The following WSCD2 variants were observed in gnomAD, a reference collection of about 807,000 sequenced individuals.
WSCD2 encodes the protein sialate:O-sulfotransferase 2.
WSCD2 carries 28 observed loss-of-function variants against 55.7 expected under a neutral mutation model. The observed-to-expected ratio is 0.50, with a 90% CI of 0.37 to 0.69. WSCD2 has a LOEUF of 0.69. Ranked by LOEUF, WSCD2 falls within the 30% of genes least tolerant of loss-of-function variation. WSCD2 has a pLI of 0.00. For missense variants in WSCD2, 616 were observed against 762.1 expected, an observed-to-expected ratio of 0.81 and a Z score of 2.26; for synonymous variants, 301 against 301.9, an observed-to-expected ratio of 1.00 and a Z score of 0.03.
chr12:108,248,988 C>G lies in WSCD2; in HGVS notation c.*645C>G, dbSNP rs190081175. 5 of 880,244 alleles carry G rather than the reference C, an allele frequency of 5.7e-6. No individual in the cohort carries two copies. Among genetic ancestry groups the G allele is most frequent in the Non-Finnish European group, 6.8e-6 (5 of 733,694 alleles). 54.5% of individuals were successfully genotyped at this position (880,244 alleles called of 1,614,324 possible). Reference sequence around the variant, plus strand: ...GGGGCCATTGGTGTTATGAGCCCCCCAGGCCACACTGCTTCTCAGAAATGA... The same window carrying G: ...GGGGCCATTGGTGTTATGAGCCCCCGAGGCCACACTGCTTCTCAGAAATGA... On this transcript the variant is annotated 3_prime_UTR_variant, in exon 9 of 9. Transcript: ENST00000547525. This position sits in a 1 kb window ranked among gnomAD's most constrained non-coding sequence, Gnocchi z 4.3.
rs1423299222 is a variant in WSCD2 at position 108,196,155 on chromosome 12, G to C, written c.323G>C (p.Gly108Ala). ...GNERAKLGDYGGAWSRALKGR... is the reference protein window; with the variant it reads ...GNERAKLGDYAGAWSRALKGR... The stretch of plus-strand genomic sequence containing the variant: ...GAGAGAGCCAAGCTTGGCGACTACG[G>C]TGGAGCCTGGAGCCGAGCCCTCAAG... Residue 108 changes from glycine to alanine, a missense_variant, in exon 2 of 9, where the codon GGT becomes GCT. By Grantham distance (60) the Gly-to-Ala change is moderately conservative (BLOSUM62 0). Transcript: ENST00000547525. 7.4e-6 allele frequency: 12 copies of C among 1,614,182 alleles called. No individual in the cohort carries two copies. Among genetic ancestry groups the C allele is most frequent in the Non-Finnish European group, 1.0e-5 (12 of 1,180,038 alleles).
Position 108,249,809 on chromosome 12 carries a change from C to T in WSCD2, c.*1466C>T, listed in dbSNP as rs920737164. 1 of 152,648 alleles carries T rather than the reference C, an allele frequency of 6.6e-6. No homozygotes were observed. Among genetic ancestry groups the T allele is most frequent in the African/African-American group, 2.4e-5 (1 of 41,450 alleles). The allele number at this position is 152,648 out of a possible 1,614,324, so 9.5% of individuals were successfully genotyped here. A position where few individuals can be genotyped will look rare whatever the true frequency, so the allele number is the denominator to read the frequency against. On this transcript the variant is annotated 3_prime_UTR_variant, in exon 9 of 9. Coordinates refer to ENST00000547525, the MANE Select transcript of WSCD2 (RefSeq NM_014653.4). ...AACCTGGCCATGCAAAGCAAGGGCA[C>T]AGGGATTAGACCTGTGGCACACTTC...
intron 7 of WSCD2, among the ~76,000 whole-genome samples, chr12:108,239,883 T>G (rs1889585647): frequency 1.3e-5 from 2 of 152,090 alleles, no homozygotes; most frequent in Non-Finnish European, 2.9e-5. Flanking sequence ...CTGGCTAATT[T>G]TTTTTTAATT....
intron 2 of WSCD2, among the ~76,000 whole-genome samples, chr12:108,204,846 C>T (rs959873875): frequency 1.3e-4 from 20 of 152,220 alleles, no homozygotes; most frequent in Admixed American, 7.2e-4. Flanking sequence ...TCTGCTAGAT[C>T]CTGCTCTCCC....
intron 1 of WSCD2, among the ~76,000 whole-genome samples, chr12:108,159,903 G>A (rs76384406): frequency 0.02 from 3,121 of 152,274 alleles, 117 homozygotes; most frequent in African/African-American, 0.072. Flanking sequence ...TACTGTTGAG[G>A]GTATTTCTGG....
At chr12:108,222,681 T>C (rs1555239378) in intron 4 of WSCD2, among the ~76,000 whole-genome samples, 1 of 152,170 alleles carries the variant, frequency 6.6e-6, no homozygotes, top group Non-Finnish European at 1.5e-5. Flanking sequence ...TTAATAGAGA[T>C]GGAGGTCTCA....
rs571940932 is a variant in WSCD2, at chr12:108,151,429, C to T, written c.-552+21503C>T. On this transcript the variant is annotated intron_variant, in intron 1 of 8. Transcript: ENST00000547525. ...GTTTGGGCCAATCATAATACATTCC[C>T]TGGGAACTGGCAAATGACCTCCTCC... 2.6e-4 allele frequency among the ~76,000 whole-genome samples: 39 copies of T among 152,282 alleles called. No homozygotes were observed. In the East Asian group the frequency reaches 7.4e-3, roughly 29 times the overall value.
At chr12:108,162,480 T>C (rs1293447902) in intron 1 of WSCD2, among the ~76,000 whole-genome samples, 1 of 152,222 alleles carries the variant, frequency 6.6e-6, no homozygotes, top group Non-Finnish European at 1.5e-5. Context: ...TTTGTATCAA[T>C]GTGCCCCACA....
At chr12:108,168,399 G>GC (rs1485158520) in intron 1 of WSCD2, among the ~76,000 whole-genome samples, 1 of 152,010 alleles carries the variant, frequency 6.6e-6, no homozygotes, top group African/African-American at 2.4e-5. Flanking sequence ...CCTTTACTCT[G>GC]CCCCCATCTC....
intron 1 of WSCD2, among the ~76,000 whole-genome samples, chr12:108,166,719 CTTCT>C (rs1436118249): frequency 2.1e-5 from 3 of 143,546 alleles, no homozygotes; most frequent in Non-Finnish European, 3.1e-5. Context: ...TCTTTCCCTC[CTTCT>C]TTCTCTTTCT....
intron 1 of WSCD2, among the ~76,000 whole-genome samples, chr12:108,156,249 G>A (rs945580563): frequency 2.0e-5 from 3 of 152,166 alleles, no homozygotes; most frequent in East Asian, 3.8e-4. Flanking sequence ...CCGTGTCCTG[G>A]CCCCACCACT....
chr12:108,168,903 T>C (rs1410898941), intron 1 of WSCD2, among the ~76,000 whole-genome samples: 1 of 152,228 alleles, frequency 6.6e-6, no homozygotes, highest in Admixed American at 6.5e-5. Flanking sequence ...TGTTCTAGGG[T>C]AGTGGTCCTC....
intron 1 of WSCD2, among the ~76,000 whole-genome samples, chr12:108,134,386 C>T (rs911189640): frequency 7.2e-5 from 11 of 152,194 alleles, no homozygotes; most frequent in African/African-American, 2.7e-4. Flanking sequence ...AGATAGTGTA[C>T]CCATTCCAAG....
intron 1 of WSCD2, among the ~76,000 whole-genome samples, chr12:108,137,923 C>A (rs1304570226): frequency 6.6e-6 from 1 of 152,196 alleles, no homozygotes; most frequent in Non-Finnish European, 1.5e-5. Context: ...AATGAATATT[C>A]TTTGAAATCA....
chr12:108,139,447 G>A (rs542467395), intron 1 of WSCD2, among the ~76,000 whole-genome samples: 1 of 152,256 alleles, frequency 6.6e-6, no homozygotes, highest in South Asian at 2.1e-4. Flanking sequence ...GGTTCAGGTG[G>A]GGAGGAGATT....
chr12:108,134,554 T>G lies in WSCD2; in HGVS notation c.-552+4628T>G, dbSNP rs1163204876. On this transcript the variant is annotated intron_variant, in intron 1 of 8. Transcript: ENST00000547525. ...GTCACAAGCAGATCGGCAAAATAAA[T>G]GCCCCTCACAGGTATCTCACTGGGG... Among the ~76,000 whole-genome samples the G allele has an allele frequency of 2.6e-4, 40 of 152,112 alleles. 1 individual carries two copies. The highest frequency in any genetic ancestry group is 2.6e-3 in the Admixed American group (40 of 15,272).
At chr12:108,224,654 T>A (rs1887884497) in intron 4 of WSCD2, 85 bp from the exon 5 acceptor site, 1 of 1,532,040 alleles carries the variant, frequency 6.5e-7, no homozygotes, top group Admixed American at 1.9e-5. Flanking sequence ...TCTTGCCTTC[T>A]CTGAGCTTTC....
intron 1 of WSCD2, among the ~76,000 whole-genome samples, chr12:108,149,469 A>G (rs1242275015): frequency 6.6e-6 from 1 of 152,162 alleles, no homozygotes; most frequent in African/African-American, 2.4e-5. Flanking sequence ...AGCTTTCAGT[A>G]TGCACCAACA....
intron 1 of WSCD2, among the ~76,000 whole-genome samples, chr12:108,172,036 T>G (rs564048036): frequency 1.1e-4 from 17 of 152,298 alleles, no homozygotes; most frequent in African/African-American, 3.8e-4. Flanking sequence ...TGTTGAGAGT[T>G]AATATATGAT....
Sources: allele counts gnomAD v4.1 joint callset (sites outside exome capture counted in the v4.1 genomes callset), GRCh38; gene constraint gnomAD v4.1.1; non-coding constraint Gnocchi (gnomAD v3.1); transcripts MANE v1.5; gene names NCBI Gene and HGNC (gene_info 2026-07-23, HGNC 2026-07-21).